ATP1A1: variants seen among roughly 807,000 people sequenced by gnomAD.
The protein encoded by ATP1A1 is sodium/potassium-transporting ATPase subunit alpha-1.
ATP1A1 carries 14 observed loss-of-function variants against 114.8 expected under a neutral mutation model. That is an observed-to-expected ratio of 0.12 (90% CI 0.08 to 0.19). The LOEUF is 0.19. Ranked by LOEUF, ATP1A1 falls within the 10% of genes least tolerant of loss-of-function variation. The pLI is 1.00. For synonymous variants in ATP1A1, 471 were observed against 466.3 expected (o/e 1.01, Z -0.13); for missense variants, 524 against 1,290.7 (o/e 0.41, Z 9.10).
In ATP1A1 at chr1:116,389,758, T is replaced by C. The variant is rs1652318512; in HGVS notation, c.1023+51T>C. The C allele has an allele frequency of 6.2e-7, 1 of 1,607,086 alleles. No homozygotes were observed. Among genetic ancestry groups the C allele is most frequent in the Non-Finnish European group, 8.5e-7 (1 of 1,175,040 alleles). Reference sequence around the variant, plus strand: ...GACTCAGATCAGCTTGCACGAATGTTACACTCTTCCGCTATCCTATTCTAA... The same window carrying C: ...GACTCAGATCAGCTTGCACGAATGTCACACTCTTCCGCTATCCTATTCTAA... On this transcript the variant is annotated intron_variant, in intron 8 of 22. Coordinates refer to ENST00000295598, the MANE Select transcript of ATP1A1 (RefSeq NM_000701.8). This position sits in a 1 kb window ranked among gnomAD's most constrained non-coding sequence, Gnocchi z 6.9.
chr1:116,397,762 C>A lies in ATP1A1; in HGVS notation c.1974-126C>A. On this transcript the variant is annotated intron_variant, in intron 14 of 22. Transcript: ENST00000295598. This position sits in a 1 kb window ranked among gnomAD's most constrained non-coding sequence, Gnocchi z 4.2. ...CTGAACACTTAATAGCTTTTATGTGCTGGGGAAAATTCCTTCTTTGTTTTG... is the reference window on the plus strand; with the variant it reads ...CTGAACACTTAATAGCTTTTATGTGATGGGGAAAATTCCTTCTTTGTTTTG... 2 of 1,208,060 alleles carry A rather than the reference C, an allele frequency of 1.7e-6. No individual in the cohort carries two copies. The highest frequency in any genetic ancestry group is 2.3e-6 in the Non-Finnish European group (2 of 870,350). 74.8% of individuals were successfully genotyped at this position (1,208,060 alleles called of 1,614,324 possible). A position where few individuals can be genotyped will look rare whatever the true frequency, so the allele number is the denominator to read the frequency against.
Position 116,387,537 on chromosome 1 carries a change from ATCTTCTCCG to A in ATP1A1, c.387+51_387+59del. 6.3e-7 allele frequency: 1 copy of A among 1,591,464 alleles called. No individual in the cohort carries two copies. On this transcript the variant is annotated intron_variant, in intron 4 of 22. Transcript: ENST00000295598. The surrounding 1 kb of genome is among the most constrained non-coding windows in gnomAD (Gnocchi z 6.7). ...TATGGATTTGTAGTACACATCAGAT[ATCTTCTCCG>A]TCTTTGTCTCCCACTTCTTCTCAAT...
chr1:116,403,953 C>T lies in ATP1A1; in HGVS notation c.3021C>T (p.Leu1007=), dbSNP rs1277408506. The T allele has an allele frequency of 1.9e-6, 3 of 1,614,108 alleles. No homozygotes were observed. In the Admixed American group the frequency reaches 5.0e-5, roughly 27 times the overall value. The change falls in exon 22 of 23, where the codon CTC becomes CTT. Residue 1007 remains leucine (L), a synonymous_variant. Transcript: ENST00000295598. ...LIFVYDEVRK[L]IIRRRPGGWV... Reference sequence around the variant, plus strand: ...TCGTATATGACGAAGTCAGAAAACTCATCATCAGGCGACGCCCTGGCGGTA... The same window carrying T: ...TCGTATATGACGAAGTCAGAAAACTTATCATCAGGCGACGCCCTGGCGGTA...
Position 116,389,410 on chromosome 1 carries a change from G to C in ATP1A1, c.755-29G>C, listed in dbSNP as rs748460069. ...CTTCCTTCAGGTTAGATACAATTAG[G>C]TACAGTTCTCCCTCCCCTTCTTTTT... On this transcript the variant is annotated intron_variant, in intron 7 of 22. Coordinates refer to ENST00000295598, the MANE Select transcript of ATP1A1 (RefSeq NM_000701.8). The surrounding 1 kb of genome is among the most constrained non-coding windows in gnomAD (Gnocchi z 6.9). 3.1e-6 allele frequency: 5 copies of C among 1,611,896 alleles called. No homozygotes were observed. In the Admixed American group the frequency reaches 8.3e-5, roughly 27 times the overall value.
chr1:116,398,564 A>G lies in ATP1A1; in HGVS notation c.2125-57A>G, dbSNP rs1490046184. On this transcript the variant is annotated intron_variant, in intron 15 of 22. Coordinates refer to ENST00000295598, the MANE Select transcript of ATP1A1 (RefSeq NM_000701.8). The surrounding 1 kb of genome is among the most constrained non-coding windows in gnomAD (Gnocchi z 6.1). ...GCTCAGTGGGGGCATGCATCGCACT[A>G]TTTCCATCGCTAGGAAAAGTGATTG... is the stretch of plus-strand genomic sequence containing the variant. 6.3e-7 allele frequency: 1 copy of G among 1,577,474 alleles called. No homozygotes were observed.
Position 116,397,835 on chromosome 1 carries a change from A to G in ATP1A1, c.1974-53A>G, listed in dbSNP as rs1439542109. On this transcript the variant is annotated intron_variant, in intron 14 of 22. Coordinates refer to ENST00000295598, the MANE Select transcript of ATP1A1 (RefSeq NM_000701.8). This position sits in a 1 kb window ranked among gnomAD's most constrained non-coding sequence, Gnocchi z 4.2. ...AATATCCCCTCTTGAGGTGATGGAC[A>G]CATGCTGGTGATGTGATGCGTGACT... The G allele has an allele frequency of 6.3e-7, 1 of 1,580,292 alleles. No individual in the cohort carries two copies. The highest frequency in any genetic ancestry group is 8.6e-7 in the Non-Finnish European group (1 of 1,165,984).
At position 116,373,370 on chromosome 1, in the gene ATP1A1, T is replaced by TGCCC; in HGVS notation, c.-142_-141insGCCC. ...CATCGGCCCGAGCCGCCGGCCGCCC[T>TGCCC]CCCACCCTCCCGCCCCGCGGCAGCC... On this transcript the variant is annotated 5_prime_UTR_variant, in exon 1 of 23. Transcript: ENST00000295598. The TGCCC allele has an allele frequency of 2.1e-5, 7 of 333,834 alleles. No homozygotes were observed. The highest frequency in any genetic ancestry group is 1.8e-4 in the East Asian group (2 of 11,240). The allele number at this position is 333,834 out of a possible 1,614,324, so 20.7% of individuals were successfully genotyped here. A position where few individuals can be genotyped will look rare whatever the true frequency, so the allele number is the denominator to read the frequency against.
rs1360019202 is a variant in ATP1A1 at position 116,387,395 on chromosome 1, T to TG, written c.297dup (p.Phe100ValfsTer17). The TG allele has an allele frequency of 6.2e-7, 1 of 1,614,164 alleles. No individual in the cohort carries two copies. The highest frequency in any genetic ancestry group is 8.5e-7 in the Non-Finnish European group (1 of 1,180,030). On this transcript the variant is annotated frameshift_variant, in exon 4 of 23. Transcript: ENST00000295598. LOFTEE classifies it high-confidence loss of function. The surrounding 1 kb of genome is among the most constrained non-coding windows in gnomAD (Gnocchi z 6.7). The stretch of plus-strand genomic sequence containing the variant: ...GGATCAAGTTTTGTCGGCAGCTCTT[T>TG]GGGGGGTTCTCAATGTTACTGTGGA...
chr1:116,397,815 C>A lies in ATP1A1; in HGVS notation c.1974-73C>A, dbSNP rs765548360. ...TACAAAGTGATCTGCATAAGAATAT[C>A]CCCTCTTGAGGTGATGGACACATGC... On this transcript the variant is annotated intron_variant, in intron 14 of 22. Transcript: ENST00000295598. This position sits in a 1 kb window ranked among gnomAD's most constrained non-coding sequence, Gnocchi z 4.2. 6.6e-7 allele frequency: 1 copy of A among 1,517,760 alleles called. No homozygotes were observed. The highest frequency in any genetic ancestry group is 8.9e-7 in the Non-Finnish European group (1 of 1,124,888). 94.0% of individuals were successfully genotyped at this position (1,517,760 alleles called of 1,614,324 possible).
Position 116,392,978 on chromosome 1 carries a change from A to C in ATP1A1, c.1457A>C (p.Asn486Thr). The change falls in exon 11 of 23, where the codon AAC becomes ACC. Residue 486 changes from asparagine to threonine, a missense_variant. Physicochemically the swap from Asn to Thr is moderately conservative, Grantham distance 65. Around this residue, in one of 8 missense-constraint regions of ATP1A1, gnomAD observed 143 missense variants for 259.3 expected, o/e 0.55. Transcript: ENST00000295598. ...GTCGAGATACCCTTCAACTCCACCA[A>C]CAAGTACCAGGTCTGAAGATCGATG... ...KIVEIPFNST[N>T]KYQLSIHKNP... 6.2e-7 allele frequency: 1 copy of C among 1,614,152 alleles called. No individual in the cohort carries two copies. The highest frequency in any genetic ancestry group is 8.5e-7 in the Non-Finnish European group (1 of 1,180,004).
In ATP1A1 at chr1:116,403,926, C is replaced by T; in HGVS notation, c.2994C>T (p.Ile998=). ...GTGCCTTCCCCTACTCTCTTCTCAT[C>T]TTCGTATATGACGAAGTCAGAAAAC... ...WFCAFPYSLL[I]FVYDEVRKLI... The change falls in exon 22 of 23, where the codon ATC becomes ATT. Residue 998 remains isoleucine, a synonymous_variant. Transcript: ENST00000295598. The T allele has an allele frequency of 6.2e-7, 1 of 1,614,244 alleles. No homozygotes were observed. The highest frequency in any genetic ancestry group is 8.5e-7 in the Non-Finnish European group (1 of 1,180,034).
intron 3 of ATP1A1, among the ~76,000 whole-genome samples, chr1:116,386,518 GATAA>G (rs1389606228): frequency 6.6e-6 from 1 of 152,112 alleles, no homozygotes; most frequent in Non-Finnish European, 1.5e-5. Context: ...ACAAAACACA[GATAA>G]ATAGATACTT....
rs1652668807 is a variant in ATP1A1 at position 116,393,800 on chromosome 1, T to G, written c.1660+77T>G. ...CCTAGTCTGGTAGACAGTTAACAAG[T>G]GATCCTATGAACCTCTATGTCTTGT... is the stretch of plus-strand genomic sequence containing the variant. On this transcript the variant is annotated intron_variant, in intron 12 of 22. Transcript: ENST00000295598. The surrounding 1 kb of genome is among the most constrained non-coding windows in gnomAD (Gnocchi z 5.0). 2 of 1,397,092 alleles carry G rather than the reference T, an allele frequency of 1.4e-6. No individual in the cohort carries two copies. Among genetic ancestry groups the G allele is most frequent in the African/African-American group, 1.4e-5 (1 of 69,396 alleles). The allele number at this position is 1,397,092 out of a possible 1,614,324, so 86.5% of individuals were successfully genotyped here.
In ATP1A1 at chr1:116,388,891, C is replaced by T. The variant is rs747680211; in HGVS notation, c.637-11C>T. 2.0e-5 allele frequency: 32 copies of T among 1,613,396 alleles called. No individual in the cohort carries two copies. Among genetic ancestry groups the T allele is most frequent in the Non-Finnish European group, 2.6e-5 (31 of 1,179,808 alleles). ...TTCACATGACATTTTTCTTCTTTTCCTCACATATAGGTGGATAACTCCTCG... is the reference window on the plus strand; with the variant it reads ...TTCACATGACATTTTTCTTCTTTTCTTCACATATAGGTGGATAACTCCTCG... On this transcript the variant is annotated splice_polypyrimidine_tract_variant and intron_variant, in intron 6 of 22. Transcript: ENST00000295598. This position sits in a 1 kb window ranked among gnomAD's most constrained non-coding sequence, Gnocchi z 5.6.
chr1:116,382,373 C>T (rs1651805944), intron 1 of ATP1A1: 1 of 152,108 alleles, frequency 6.6e-6, no homozygotes, highest in Admixed American at 6.6e-5. Flanking sequence ...TATTTGTCCA[C>T]TTGTATGTGT....
rs1652457501 is a variant in ATP1A1 at position 116,391,291 on chromosome 1, ATACAG to A, written c.1332+403_1332+407del. On this transcript the variant is annotated intron_variant, in intron 10 of 22. Transcript: ENST00000295598. ...TCCATAATCGTATTTGCATATTAGGATACAGTAGATTCCAGTAACTCCTTTAAGCC... is the reference window on the plus strand; with the variant it reads ...TCCATAATCGTATTTGCATATTAGGATAGATTCCAGTAACTCCTTTAAGCC... Among the ~76,000 whole-genome samples, 2 of 152,210 alleles carry A rather than the reference ATACAG, an allele frequency of 1.3e-5. 1 individual carries two copies. The highest frequency in any genetic ancestry group is 2.9e-5 in the Non-Finnish European group (2 of 68,044).
chr1:116,403,220 CCA>C (rs1653665397), intron 21 of ATP1A1, among the ~76,000 whole-genome samples: 2 of 152,310 alleles, frequency 1.3e-5, no homozygotes, highest in South Asian at 2.1e-4. Context: ...GAAGAGGAGA[CCA>C]CCGGAGTCCT....
chr1:116,404,658 AGC>A lies in ATP1A1; in HGVS notation c.*216_*217del. On this transcript the variant is annotated 3_prime_UTR_variant, in exon 23 of 23. Coordinates refer to ENST00000295598, the MANE Select transcript of ATP1A1 (RefSeq NM_000701.8). The surrounding 1 kb of genome is among the most constrained non-coding windows in gnomAD (Gnocchi z 4.8). ...AAAACCATCCATCTGTGGAAATGAC[AGC>A]GGGGAAGGTTTTTATGTGCCTTTTT... 7.7e-7 allele frequency: 1 copy of A among 1,296,542 alleles called. No homozygotes were observed. The allele number at this position is 1,296,542 out of a possible 1,614,324, so 80.3% of individuals were successfully genotyped here.
Position 116,373,410 on chromosome 1 carries a change from T to G in ATP1A1, c.-102T>G, listed in dbSNP as rs1651121577. On this transcript the variant is annotated 5_prime_UTR_variant, in exon 1 of 23. Transcript: ENST00000295598. ...CCGCGGCAGCCCTAGCTCCCTCCACTTGGCTCCCCTGGTCCCGCTCGCTCG... is the reference window on the plus strand; with the variant it reads ...CCGCGGCAGCCCTAGCTCCCTCCACGTGGCTCCCCTGGTCCCGCTCGCTCG... 5.9e-6 allele frequency: 4 copies of G among 683,696 alleles called. No individual in the cohort carries two copies. Among genetic ancestry groups the G allele is most frequent in the Non-Finnish European group, 6.5e-6 (3 of 459,428 alleles). 42.4% of individuals were successfully genotyped at this position (683,696 alleles called of 1,614,324 possible). A position where few individuals can be genotyped will look rare whatever the true frequency, so the allele number is the denominator to read the frequency against.
Sources: gnomAD v4.1 joint callset for allele counts (sites outside exome capture counted in the v4.1 genomes callset) on GRCh38, gnomAD v4.1.1 for gene constraint, gnomAD v4.1.1 regional missense constraint, Gnocchi (gnomAD v3.1) non-coding constraint, MANE v1.5 for transcripts, NCBI Gene and HGNC (gene_info 2026-07-23, HGNC 2026-07-21) for gene names.